Variants in AMD1 observed in about 807,000 individuals in gnomAD.
AMD1 encodes the protein S-adenosylmethionine decarboxylase proenzyme.
Under a neutral mutation model 40.2 loss-of-function variants are expected in AMD1, and 11 were observed. The observed-to-expected ratio is 0.27, with a 90% confidence interval of 0.17 to 0.45. The LOEUF is 0.45. Among genes scored for constraint, AMD1 ranks in the 20% least tolerant of loss-of-function variants. The pLI is 1.00. For missense variants in AMD1, 257 were observed against 410.2 expected, an observed-to-expected ratio of 0.63 and a Z score of 3.23; for synonymous variants, 121 against 130.8, an observed-to-expected ratio of 0.93 and a Z score of 0.51.
chr6:110,875,206 C>G lies in AMD1; in HGVS notation c.101C>G (p.Thr34Ser), dbSNP rs768604319. The G allele has an allele frequency of 2.5e-6, 4 of 1,609,282 alleles. No homozygotes were observed. Among genetic ancestry groups the G allele is most frequent in the Non-Finnish European group, 2.5e-6 (3 of 1,177,930 alleles). ...AACCAAGGATCTGGGGATCTTCGCA[C>G]TATCCCAAGGTGGGTCCCCGGGGCG... ...DANQGSGDLR[T>S]IPRSEWDILL... The change falls in exon 1 of 9, where the codon ACT becomes AGT. Residue 34 changes from threonine to serine, a missense_variant. By Grantham distance (58) the Thr-to-Ser change is moderately conservative. Transcript: ENST00000368885.
the AMD1 span, among the ~76,000 whole-genome samples, chr6:110,837,006 A>T: frequency 4.6e-5 from 7 of 151,828 alleles, no homozygotes; most frequent in Admixed American, 4.0e-4. Flanking sequence ...TTTTCTAAAA[A>T]ATTAGCCAGG....
intron 1 of AMD1, among the ~76,000 whole-genome samples, chr6:110,881,814 G>A (rs1381604857): frequency 3.6e-5 from 5 of 137,678 alleles, no homozygotes; most frequent in Non-Finnish European, 7.5e-5. Flanking sequence ...GACAGAACAA[G>A]ACTGCATCTC....
intron 1 of AMD1, among the ~76,000 whole-genome samples, chr6:110,878,504 G>A (rs984162059): frequency 1.3e-5 from 2 of 152,132 alleles, no homozygotes; most frequent in East Asian, 1.9e-4. Context: ...CAATACTGTT[G>A]GAGAAAAGCA....
At position 110,874,975 on chromosome 6, in the gene AMD1, CAAA is replaced by C. The variant is rs201633158; in HGVS notation, c.-122_-120del. 2.8e-5 allele frequency: 15 copies of C among 530,456 alleles called. No homozygotes were observed. The highest frequency in any genetic ancestry group is 7.4e-5 in the South Asian group (3 of 40,414). 32.9% of individuals were successfully genotyped at this position (530,456 alleles called of 1,614,324 possible). ...AAAAAAAGTTAATATAAAATTATAG[CAAA>C]AAAAAAAAGGAACCTGAACTTTAGT... On this transcript the variant is annotated 5_prime_UTR_variant, in exon 1 of 9. Transcript: ENST00000368885.
the AMD1 span, among the ~76,000 whole-genome samples, chr6:110,861,080 T>C: frequency 6.6e-6 from 1 of 151,792 alleles, no homozygotes; most frequent in Non-Finnish European, 1.5e-5. Context: ...CCAGATGGGC[T>C]GGGCACGCTG....
the AMD1 span, among the ~76,000 whole-genome samples, chr6:110,837,172 CAAAA>C: frequency 7.5e-4 from 18 of 23,898 alleles, no homozygotes; most frequent in South Asian, 2.2e-3. Context: ...CAGAGCGTCT[CAAAA>C]AAAAAAAAAA....
chr6:110,858,436 G>C, the AMD1 span: 1 of 974,910 alleles, frequency 1.0e-6, no homozygotes, highest in Non-Finnish European at 1.7e-6. Flanking sequence ...TCATGAACAA[G>C]CTACAGCCGG....
chr6:110,851,953 C>T, the AMD1 span, among the ~76,000 whole-genome samples: 3 of 152,040 alleles, frequency 2.0e-5, no homozygotes, highest in Middle Eastern at 3.4e-3. Flanking sequence ...CTTAACAATA[C>T]GCTTTTTAAA....
Position 110,882,855 on chromosome 6 carries a change from G to A in AMD1, c.111-4650G>A, listed in dbSNP as rs192134615. Among the ~76,000 whole-genome samples, 268 of 152,272 alleles carry A rather than the reference G, an allele frequency of 1.8e-3. 2 individuals are homozygous for A. The highest frequency in any genetic ancestry group is 6.2e-3 in the African/African-American group (259 of 41,548). On this transcript the variant is annotated intron_variant, in intron 1 of 8. Transcript: ENST00000368885. ...CATTTTGAAGCCAATGGGTTGGCACGTGCCTATAATCCTAGCACTTTGGGA... is the reference window on the plus strand; with the variant it reads ...CATTTTGAAGCCAATGGGTTGGCACATGCCTATAATCCTAGCACTTTGGGA...
chr6:110,844,233 AAAAG>A, the AMD1 span, among the ~76,000 whole-genome samples: 57 of 151,542 alleles, frequency 3.8e-4, no homozygotes, highest in African/African-American at 6.8e-4. Context: ...ACTTCAAAAA[AAAAG>A]AAAGAAAGAA....
the AMD1 span, among the ~76,000 whole-genome samples, chr6:110,857,278 A>G: frequency 6.6e-6 from 1 of 152,120 alleles, no homozygotes; most frequent in Non-Finnish European, 1.5e-5. Flanking sequence ...TCATGCCTGT[A>G]ATCCCAACAC....
chr6:110,878,612 A>G (rs1305274656), intron 1 of AMD1, among the ~76,000 whole-genome samples: 1 of 152,310 alleles, frequency 6.6e-6, no homozygotes, highest in Admixed American at 6.5e-5. Context: ...GATTTTACGG[A>G]TGTTGAATAA....
At chr6:110,817,791 G>A in the AMD1 span, among the ~76,000 whole-genome samples, 6 of 152,186 alleles carry the variant, frequency 3.9e-5, no homozygotes, top group Admixed American at 3.9e-4. Context: ...TGGTAGAATA[G>A]GCGGGGTTCT....
the AMD1 span, among the ~76,000 whole-genome samples, chr6:110,817,180 C>G: frequency 6.6e-6 from 1 of 152,172 alleles, no homozygotes; most frequent in Non-Finnish European, 1.5e-5. Flanking sequence ...ATTGTCAATT[C>G]TACCCAAAGT....
At chr6:110,819,607 T>C in the AMD1 span, among the ~76,000 whole-genome samples, 1 of 152,258 alleles carries the variant, frequency 6.6e-6, no homozygotes, top group Admixed American at 6.5e-5. Context: ...ATAAGCTTGG[T>C]TGGGGCATGT....
In AMD1 at chr6:110,888,959, T is replaced by C. The variant is rs1785859664; in HGVS notation, c.300T>C (p.Asp100=). Residue 100 remains aspartate, a synonymous_variant, in exon 3 of 9, where the codon GAT becomes GAC. Coordinates refer to ENST00000368885, the MANE Select transcript of AMD1 (RefSeq NM_001634.6). ...ALVPLLKLAR[D]YSGFDSIQSF... ...TTCCCCTGTTGAAGCTTGCTAGGGA[T>C]TACAGTGGGTTTGACTCAATTCAAG... 1 of 1,613,786 alleles carries C rather than the reference T, an allele frequency of 6.2e-7. No individual in the cohort carries two copies. The highest frequency in any genetic ancestry group is 1.1e-5 in the South Asian group (1 of 91,028).
upstream of AMD1, among the ~76,000 whole-genome samples, chr6:110,873,604 G>A (rs1252570671): frequency 6.6e-6 from 1 of 152,166 alleles, no homozygotes; most frequent in Admixed American, 6.5e-5. Flanking sequence ...TTTGTCTTGT[G>A]ACAATAGCAA....
the AMD1 span, among the ~76,000 whole-genome samples, chr6:110,825,697 T>C: frequency 6.6e-6 from 1 of 152,226 alleles, no homozygotes; most frequent in Non-Finnish European, 1.5e-5. Flanking sequence ...AACCTGTTAC[T>C]CTTCCAGGAG....
chr6:110,884,033 A>G (rs1348147050), intron 1 of AMD1, among the ~76,000 whole-genome samples: 2 of 152,248 alleles, frequency 1.3e-5, no homozygotes, highest in African/African-American at 2.4e-5. Flanking sequence ...GCCATTTTGC[A>G]TGGATCTGAC....
Sources: gnomAD v4.1 joint callset for allele counts (sites outside exome capture counted in the v4.1 genomes callset) on GRCh38, gnomAD v4.1.1 for gene constraint, MANE v1.5 for transcripts, NCBI Gene and HGNC (gene_info 2026-07-23, HGNC 2026-07-21) for gene names.